Variants in CDH13 observed in about 807,000 individuals in gnomAD.
CDH13 encodes cadherin-13.
CDH13 carries 24 observed loss-of-function variants against 63.8 expected under a neutral mutation model. The ratio of observed to expected loss-of-function variants is 0.38; its 90% confidence interval spans 0.27 to 0.53. The LOEUF (loss-of-function observed/expected upper bound fraction) is 0.53. Among genes scored for constraint, CDH13 ranks in the 20% least tolerant of loss-of-function variants. The pLI, the probability that CDH13 is intolerant of heterozygous loss-of-function variation, is 0.85. For synonymous variants in CDH13, 503 were observed against 355.3 expected, an observed-to-expected ratio of 1.42 and a Z score of -4.67; for missense variants, 1,049 against 903.1, an observed-to-expected ratio of 1.16 and a Z score of -2.07.
At chr16:83,216,605 G>T in intron 4 of CDH13, among the ~76,000 whole-genome samples, 1 of 138,886 alleles carries the variant, frequency 7.2e-6, no homozygotes, top group Admixed American at 7.6e-5. Flanking sequence ...AATACATAGG[G>T]GTTTAATATA....
rs146994960 is a variant in CDH13 at position 83,548,480 on chromosome 16, C to G, written c.961-53974C>G. 4.6e-5 allele frequency among the ~76,000 whole-genome samples: 7 copies of G among 152,294 alleles called. No individual in the cohort carries two copies. In the East Asian group the frequency reaches 1.4e-3, roughly 29 times the overall value. ...TGTCCGTAGCGCAGTGGTTGAGAAA[C>G]CTGGCTTCAGATGTAGAAACATCAG... On this transcript the variant is annotated intron_variant, in intron 7 of 13. Transcript: ENST00000567109.
At chr16:83,137,768 C>T (rs1052929897) in intron 4 of CDH13, among the ~76,000 whole-genome samples, 1 of 152,090 alleles carries the variant, frequency 6.6e-6, no homozygotes, top group Non-Finnish European at 1.5e-5. Flanking sequence ...GGCCTTTTCA[C>T]GGTCCAATTA....
At chr16:82,778,376 A>C (rs2035593410) in intron 1 of CDH13, among the ~76,000 whole-genome samples, 1 of 152,034 alleles carries the variant, frequency 6.6e-6, no homozygotes, top group South Asian at 2.1e-4. Flanking sequence ...CATGATGTTG[A>C]ATCTAATTTT....
At chr16:83,120,717 G>C (rs747644999) in intron 3 of CDH13, among the ~76,000 whole-genome samples, 1 of 146,876 alleles carries the variant, frequency 6.8e-6, no homozygotes. Context: ...CTTCATAGAT[G>C]TTAAATATCA....
At position 83,681,207 on chromosome 16, in the gene CDH13, G is replaced by A. The variant is rs1198606884; in HGVS notation, c.1538+2746G>A. ...CTACCCGAGGAAGTGCGGGAGGCTA[G>A]TCCCAGAGGATGGGAACAAATGCTG... On this transcript the variant is annotated intron_variant, in intron 10 of 13. Coordinates refer to ENST00000567109, the MANE Select transcript of CDH13 (RefSeq NM_001257.5). Among the ~76,000 whole-genome samples the A allele has an allele frequency of 2.0e-5, 3 of 152,098 alleles. No individual in the cohort carries two copies. In the East Asian group the frequency reaches 5.8e-4, roughly 30 times the overall value.
At chr16:82,751,195 G>C (rs1346731459) in intron 1 of CDH13, among the ~76,000 whole-genome samples, 1 of 152,216 alleles carries the variant, frequency 6.6e-6, no homozygotes, top group African/African-American at 2.4e-5. Context: ...AGCTTACAGA[G>C]AAGGGCAGAT....
chr16:83,409,440 A>G (rs186331638), intron 6 of CDH13, among the ~76,000 whole-genome samples: 108 of 152,310 alleles, frequency 7.1e-4, no homozygotes, highest in African/African-American at 2.5e-3. Context: ...ACCCGGGGCT[A>G]TGACTAGGGT....
At chr16:83,564,336 A>G (rs1315427537) in intron 7 of CDH13, among the ~76,000 whole-genome samples, 3 of 151,578 alleles carry the variant, frequency 2.0e-5, no homozygotes, top group Non-Finnish European at 4.4e-5. Context: ...ACATAAACCC[A>G]GACAAGGGGC....
chr16:82,989,796 A>G (rs1388501352), intron 2 of CDH13, among the ~76,000 whole-genome samples: 1 of 152,194 alleles, frequency 6.6e-6, no homozygotes, highest in Non-Finnish European at 1.5e-5. Flanking sequence ...TTAACCAGGC[A>G]ATGTGATTTA....
intron 2 of CDH13, among the ~76,000 whole-genome samples, chr16:82,985,846 T>C (rs1910868473): frequency 6.6e-6 from 1 of 152,110 alleles, no homozygotes; most frequent in South Asian, 2.1e-4. Context: ...TCTTATGAGA[T>C]CTGGTCGTTT....
chr16:83,581,384 T>G (rs1826298547), intron 7 of CDH13, among the ~76,000 whole-genome samples: 1 of 152,254 alleles, frequency 6.6e-6, no homozygotes, highest in African/African-American at 2.4e-5. Context: ...ACTTAAATAT[T>G]CTTCCCACAT....
At chr16:83,674,971 C>T (rs1303155212) in intron 9 of CDH13, among the ~76,000 whole-genome samples, 1 of 152,240 alleles carries the variant, frequency 6.6e-6, no homozygotes, top group African/African-American at 2.4e-5. Flanking sequence ...TGGATCCTCC[C>T]TCTTCCAGCC....
chr16:82,766,951 T>C (rs1482920515), intron 1 of CDH13, among the ~76,000 whole-genome samples: 1 of 152,196 alleles, frequency 6.6e-6, no homozygotes, highest in Non-Finnish European at 1.5e-5. Context: ...ACCCACCACC[T>C]AGATTCTACC....
chr16:82,736,807 C>G (rs1191380279), intron 1 of CDH13, among the ~76,000 whole-genome samples: 3 of 152,182 alleles, frequency 2.0e-5, no homozygotes, highest in African/African-American at 7.2e-5. Context: ...TTTCCCACCA[C>G]TTTAAGAGAA....
At chr16:83,218,743 G>A (rs7204202) in intron 5 of CDH13, among the ~76,000 whole-genome samples, 149,777 of 152,326 alleles carry the variant, frequency 0.98, 73,698 homozygotes, top group East Asian at 1. Flanking sequence ...GATATGGTTT[G>A]GCTGTCTCCC....
chr16:83,281,313 A>G (rs1222124611), intron 5 of CDH13, among the ~76,000 whole-genome samples: 1 of 152,260 alleles, frequency 6.6e-6, no homozygotes, highest in East Asian at 1.9e-4. Flanking sequence ...TTAGGTTCAG[A>G]CTTTTCTTCT....
chr16:82,812,366 G>A (rs1323180373), intron 1 of CDH13, among the ~76,000 whole-genome samples: 3 of 152,136 alleles, frequency 2.0e-5, no homozygotes, highest in Admixed American at 2.0e-4. Flanking sequence ...AAAAAAATGA[G>A]CGAGAAGAGT....
chr16:82,656,279 C>A (rs1354693167), intron 1 of CDH13, among the ~76,000 whole-genome samples: 1 of 151,478 alleles, frequency 6.6e-6, no homozygotes, highest in Non-Finnish European at 1.5e-5. Flanking sequence ...GAGAAAGAGG[C>A]TGGAGTGCAC....
chr16:83,276,428 C>T (rs1331630383), intron 5 of CDH13, among the ~76,000 whole-genome samples: 1 of 152,100 alleles, frequency 6.6e-6, no homozygotes, highest in Non-Finnish European at 1.5e-5. Flanking sequence ...CTCTCAAACA[C>T]CTTTGAGTTG....
Sources: allele counts gnomAD v4.1 joint callset (sites outside exome capture counted in the v4.1 genomes callset), GRCh38; gene constraint gnomAD v4.1.1; transcripts MANE v1.5; gene names NCBI Gene and HGNC (gene_info 2026-07-23, HGNC 2026-07-21).